Variants in ASTN2 observed in about 807,000 individuals in gnomAD.
ASTN2 encodes astrotactin 2, also known as astrotactin-2.
ASTN2 carries 54 observed loss-of-function variants against 139.8 expected under a neutral mutation model. The ratio of observed to expected loss-of-function variants is 0.39; its 90% CI spans 0.31 to 0.48. The LOEUF is 0.48. Among genes scored for constraint, ASTN2 ranks in the 20% least tolerant of loss-of-function variants. The pLI is 0.95. For missense variants in ASTN2, 1,565 were observed against 1,725.1 expected, an observed-to-expected ratio of 0.91 and a Z score of 1.64; for synonymous variants, 756 against 719.5, an observed-to-expected ratio of 1.05 and a Z score of -0.81.
chr9:117,006,662 C>T (rs1356147452), intron 7 of ASTN2, among the ~76,000 whole-genome samples: 1 of 152,082 alleles, frequency 6.6e-6, no homozygotes, highest in Non-Finnish European at 1.5e-5. Context: ...TGAGAATCTC[C>T]CAAGGACTGT....
In ASTN2 at chr9:117,001,802, T is replaced by C. The variant is rs2132571432; in HGVS notation, c.1591+6290A>G. Among the ~76,000 whole-genome samples the C allele has an allele frequency of 1.3e-5, 2 of 152,328 alleles. 1 individual carries two copies. Among genetic ancestry groups the C allele is most frequent in the Middle Eastern group, 6.8e-3 (2 of 294 alleles). ...ATGGGGCACTTTGTTAATGCATTGC[T>C]CTTGATTTATACTACACTGTGTTTT... On this transcript the variant is annotated intron_variant, in intron 7 of 22. Coordinates refer to ENST00000313400, the MANE Select transcript of ASTN2 (RefSeq NM_001365068.1).
intron 11 of ASTN2, among the ~76,000 whole-genome samples, chr9:116,841,916 C>T (rs1371880514): frequency 1.3e-5 from 2 of 152,194 alleles, no homozygotes; most frequent in Non-Finnish European, 2.9e-5. Context: ...TCCATGCCTA[C>T]TTTTCCAATG....
chr9:117,258,152 G>A (rs940942196), intron 2 of ASTN2, among the ~76,000 whole-genome samples: 2 of 152,096 alleles, frequency 1.3e-5, no homozygotes, highest in South Asian at 2.1e-4. Flanking sequence ...CCCATCAAAC[G>A]CATGGGTCAT....
intron 10 of ASTN2, among the ~76,000 whole-genome samples, chr9:116,914,547 T>TTTTTTATTATTATTATTA (rs1554760026): frequency 2.0e-5 from 3 of 146,896 alleles, no homozygotes; most frequent in African/African-American, 7.5e-5. Context: ...TGTAAAGTGT[T>TTTTTTATTATTATTATTA]TTATTATTAT....
At chr9:117,258,496 G>T (rs546748776) in intron 2 of ASTN2, among the ~76,000 whole-genome samples, 2 of 152,202 alleles carry the variant, frequency 1.3e-5, no homozygotes, top group Non-Finnish European at 1.5e-5. Flanking sequence ...GGTGGATAAA[G>T]TATGGTGGCA....
At chr9:117,162,141 T>C (rs1212964689) in intron 3 of ASTN2, among the ~76,000 whole-genome samples, 3 of 152,066 alleles carry the variant, frequency 2.0e-5, no homozygotes, top group East Asian at 3.9e-4. Context: ...AAGAACCAGT[T>C]AGTAAACTAT....
intron 19 of ASTN2, among the ~76,000 whole-genome samples, chr9:116,510,747 T>C (rs1260708203): frequency 6.6e-6 from 1 of 152,216 alleles, no homozygotes; most frequent in Non-Finnish European, 1.5e-5. Flanking sequence ...CCTAGGTATT[T>C]TATTCTCTTT....
At chr9:116,597,826 G>T (rs1392204411) in intron 19 of ASTN2, among the ~76,000 whole-genome samples, 1 of 152,104 alleles carries the variant, frequency 6.6e-6, no homozygotes, top group Non-Finnish European at 1.5e-5. Flanking sequence ...TTGGAATCTT[G>T]GAGTGAGTAT....
intron 10 of ASTN2, among the ~76,000 whole-genome samples, chr9:116,904,391 T>C (rs920822325): frequency 6.6e-6 from 1 of 152,126 alleles, no homozygotes; most frequent in East Asian, 1.9e-4. Flanking sequence ...AGAATGACAC[T>C]CACAGTCTGG....
chr9:116,550,614 T>C (rs1852300662), intron 19 of ASTN2, among the ~76,000 whole-genome samples: 1 of 152,152 alleles, frequency 6.6e-6, no homozygotes, highest in African/African-American at 2.4e-5. Flanking sequence ...CCAACAGTGC[T>C]GCAATATAAG....
chr9:117,213,469 T>A (rs1832208269), intron 3 of ASTN2, among the ~76,000 whole-genome samples: 2 of 152,178 alleles, frequency 1.3e-5, no homozygotes, highest in African/African-American at 2.4e-5. Flanking sequence ...TGCAAAGAAA[T>A]GATCAATGTT....
In ASTN2 at chr9:117,120,018, G is replaced by GTGTATGTATATATATATATATA. The variant is rs1306397698; in HGVS notation, c.1168+21307_1168+21308insTATATATATATATATACATACA. Among the ~76,000 whole-genome samples the GTGTATGTATATATATATATATA allele has an allele frequency of 1.9e-3, 86 of 45,996 alleles. 1 individual carries two copies. Among genetic ancestry groups the GTGTATGTATATATATATATATA allele is most frequent in the Non-Finnish European group, 2.9e-3 (73 of 25,544 alleles). The allele number at this position is 45,996 out of a possible 152,430, so 30.2% of individuals were successfully genotyped here. A position where few individuals can be genotyped will look rare whatever the true frequency, so the allele number is the denominator to read the frequency against. ...TGTGTGTGTGTGTGTGTGTGTGTGT[G>GTGTATGTATATATATATATATA]TATATATATATATATATATATATAT... On this transcript the variant is annotated intron_variant, in intron 4 of 22. Coordinates refer to ENST00000313400, the MANE Select transcript of ASTN2 (RefSeq NM_001365068.1).
chr9:116,479,786 C>A lies in ASTN2; in HGVS notation c.3497+7573G>T, dbSNP rs1287769958. ...CCATATTGTTTCTAACCCATTTGGG[C>A]ATGGATCTTTGTATAAAAGATCCCT... is the stretch of plus-strand genomic sequence containing the variant. On this transcript the variant is annotated intron_variant, in intron 20 of 22. Transcript: ENST00000313400. Among the ~76,000 whole-genome samples, 4 of 152,182 alleles carry A rather than the reference C, an allele frequency of 2.6e-5. 1 individual carries two copies. The highest frequency in any genetic ancestry group is 4.8e-5 in the African/African-American group (2 of 41,452).
chr9:117,274,128 A>G (rs1196643460), intron 2 of ASTN2, among the ~76,000 whole-genome samples: 1 of 152,108 alleles, frequency 6.6e-6, no homozygotes, highest in Admixed American at 6.6e-5. Flanking sequence ...AGGCAGATGG[A>G]TCATGAAGTC....
chr9:117,308,038 T>G (rs922957971), intron 1 of ASTN2, among the ~76,000 whole-genome samples: 5 of 152,270 alleles, frequency 3.3e-5, no homozygotes, highest in Non-Finnish European at 5.9e-5. Context: ...ATTTGCTATT[T>G]TATCCCCTCA....
At chr9:117,387,146 A>T (rs1425238835) in intron 1 of ASTN2, among the ~76,000 whole-genome samples, 2 of 152,194 alleles carry the variant, frequency 1.3e-5, no homozygotes, top group African/African-American at 2.4e-5. Context: ...CTATTCAGAG[A>T]TTCATCCCCA....
At chr9:116,455,521 C>G (rs980377111) in intron 20 of ASTN2, among the ~76,000 whole-genome samples, 1 of 151,846 alleles carries the variant, frequency 6.6e-6, no homozygotes, top group Non-Finnish European at 1.5e-5. Context: ...AGAAAATCAA[C>G]AATATAAACA....
At chr9:117,027,911 C>A (rs138856083) in intron 6 of ASTN2, among the ~76,000 whole-genome samples, 21 of 152,248 alleles carry the variant, frequency 1.4e-4, no homozygotes, top group African/African-American at 4.6e-4. Context: ...GAAGTAGGGG[C>A]TTATAGCTTC....
chr9:117,308,005 T>C (rs1026454780), intron 1 of ASTN2, among the ~76,000 whole-genome samples: 1 of 152,184 alleles, frequency 6.6e-6, no homozygotes, highest in African/African-American at 2.4e-5. Context: ...TCTGATTTTG[T>C]TATGGGAAAA....
Sources: gnomAD v4.1 joint callset for allele counts (sites outside exome capture counted in the v4.1 genomes callset) on GRCh38, gnomAD v4.1.1 for gene constraint, MANE v1.5 for transcripts, NCBI Gene and HGNC (gene_info 2026-07-23, HGNC 2026-07-21) for gene names.